Variants in CSNK1G1 observed in about 807,000 individuals in gnomAD.
The protein encoded by CSNK1G1 is casein kinase 1 gamma 1.
CSNK1G1 carries 22 observed loss-of-function variants against 59.6 expected under a neutral mutation model. The observed-to-expected ratio is 0.37, with a 90% confidence interval of 0.26 to 0.53. The LOEUF is 0.53. Ranked by LOEUF, CSNK1G1 falls within the 20% of genes least tolerant of loss-of-function variation. The pLI is 0.89. For missense variants in CSNK1G1, 384 were observed against 519.5 expected (o/e 0.74, Z 2.54); for synonymous variants, 179 against 177.1 (o/e 1.01, Z -0.08).
At chr15:64,355,450 G>A (rs1326196254) in intron 1 of CSNK1G1, among the ~76,000 whole-genome samples, 2 of 152,308 alleles carry the variant, frequency 1.3e-5, no homozygotes, top group South Asian at 4.1e-4. Flanking sequence ...GAAGAAGTGG[G>A]GGAAGCGTAC....
intron 3 of CSNK1G1, among the ~76,000 whole-genome samples, chr15:64,256,004 G>C (rs1252880834): frequency 1.3e-5 from 2 of 152,156 alleles, no homozygotes; most frequent in Non-Finnish European, 2.9e-5. Flanking sequence ...ATACTGTAGA[G>C]TCCCTTTCTT....
chr15:64,279,156 C>T (rs1160852804), intron 2 of CSNK1G1, among the ~76,000 whole-genome samples: 4 of 152,192 alleles, frequency 2.6e-5, no homozygotes, highest in Non-Finnish European at 5.9e-5. Context: ...TGCAGTAAAG[C>T]ACACAAACGT....
rs1437305815 is a variant in CSNK1G1 at position 64,166,527 on chromosome 15, G to A, written c.*5404C>T. The A allele has an allele frequency of 1.3e-5, 2 of 152,958 alleles. No homozygotes were observed. The highest frequency in any genetic ancestry group is 4.8e-5 in the African/African-American group (2 of 41,438). 9.5% of individuals were successfully genotyped at this position (152,958 alleles called of 1,614,324 possible). ...TCTTTATGGAAGTGAAATGCACATA[G>A]ATGAACACACGCACTCACGTGCGCA... On this transcript the variant is annotated 3_prime_UTR_variant, in exon 12 of 12. Coordinates refer to ENST00000303052, the MANE Select transcript of CSNK1G1 (RefSeq NM_022048.5). The surrounding 1 kb of genome is among the most constrained non-coding windows in gnomAD (Gnocchi z 4.5).
At chr15:64,277,806 AT>A (rs1566930363) in intron 2 of CSNK1G1, among the ~76,000 whole-genome samples, 8 of 135,112 alleles carry the variant, frequency 5.9e-5, no homozygotes, top group East Asian at 4.2e-4. Flanking sequence ...TATATTTAAT[AT>A]ATTAATATTG....
At chr15:64,177,744 C>T (rs1333566396) in intron 11 of CSNK1G1, among the ~76,000 whole-genome samples, 1 of 152,202 alleles carries the variant, frequency 6.6e-6, no homozygotes, top group Non-Finnish European at 1.5e-5. Flanking sequence ...ATACCACACT[C>T]ACATACACAA....
intron 4 of CSNK1G1, among the ~76,000 whole-genome samples, chr15:64,248,256 G>A (rs1891863334): frequency 6.6e-6 from 1 of 152,088 alleles, no homozygotes; most frequent in Non-Finnish European, 1.5e-5. Context: ...AACAAGCTCT[G>A]GTGTTCATGC....
At position 64,241,916 on chromosome 15, in the gene CSNK1G1, G is replaced by GT. The variant is rs199603590; in HGVS notation, c.292+9595dup. On this transcript the variant is annotated intron_variant, in intron 4 of 11. Coordinates refer to ENST00000303052, the MANE Select transcript of CSNK1G1 (RefSeq NM_022048.5). ...CAAAAGATCAATGAAACAAAAAGTTGTTTTTTTAAAAAAAAAGATAGACAA... is the reference window on the plus strand; with the variant it reads ...CAAAAGATCAATGAAACAAAAAGTTGTTTTTTTTAAAAAAAAAGATAGACAA... Among the ~76,000 whole-genome samples the GT allele has an allele frequency of 5.5e-4, 83 of 151,054 alleles. 1 individual carries two copies. The highest frequency in any genetic ancestry group is 1.9e-3 in the African/African-American group (80 of 41,150).
intron 2 of CSNK1G1, among the ~76,000 whole-genome samples, chr15:64,280,057 G>A (rs1894039024): frequency 6.6e-6 from 1 of 151,770 alleles, no homozygotes; most frequent in African/African-American, 2.4e-5. Context: ...TACACTGGAT[G>A]AGGACATGAC....
intron 2 of CSNK1G1, among the ~76,000 whole-genome samples, chr15:64,265,433 TG>T: frequency 6.6e-6 from 1 of 152,158 alleles, no homozygotes; most frequent in Non-Finnish European, 1.5e-5. Flanking sequence ...CAAGATCTGA[TG>T]GTTTTATAAA....
chr15:64,206,605 A>C (rs1392705485), intron 7 of CSNK1G1, among the ~76,000 whole-genome samples: 2 of 150,450 alleles, frequency 1.3e-5, no homozygotes, highest in African/African-American at 4.9e-5. Flanking sequence ...AAAAAAAAAA[A>C]AAAAAAAAAA....
At chr15:64,191,054 G>GT (rs1421787227) in intron 10 of CSNK1G1, among the ~76,000 whole-genome samples, 5 of 151,900 alleles carry the variant, frequency 3.3e-5, no homozygotes, top group Non-Finnish European at 7.4e-5. Context: ...TTTTGCATTT[G>GT]TTTTTTTGTT....
intron 6 of CSNK1G1, among the ~76,000 whole-genome samples, chr15:64,208,815 T>C (rs558390604): frequency 3.6e-4 from 55 of 152,272 alleles, no homozygotes; most frequent in African/African-American, 1.3e-3. Context: ...GGATTACCCA[T>C]GTGAGCCATT....
intron 2 of CSNK1G1, among the ~76,000 whole-genome samples, chr15:64,291,200 A>ATGG (rs1332989132): frequency 6.6e-6 from 1 of 152,260 alleles, no homozygotes; most frequent in Non-Finnish European, 1.5e-5. Flanking sequence ...TGTTTAAAAT[A>ATGG]CCATGATTTT....
intron 4 of CSNK1G1, among the ~76,000 whole-genome samples, chr15:64,231,630 C>A (rs968944946): frequency 1.3e-5 from 2 of 151,718 alleles, no homozygotes; most frequent in African/African-American, 4.8e-5. Flanking sequence ...ACTTGGAAAG[C>A]TTTCCTTACT....
intron 2 of CSNK1G1, among the ~76,000 whole-genome samples, chr15:64,299,704 A>G (rs1895220674): frequency 6.6e-6 from 1 of 152,102 alleles, no homozygotes; most frequent in African/African-American, 2.4e-5. Context: ...CCATAAATTC[A>G]TAATTGAAAT....
intron 6 of CSNK1G1, 103 bp downstream of exon 6, chr15:64,213,787 C>G: frequency 1.2e-6 from 1 of 813,026 alleles, no homozygotes; most frequent in Non-Finnish European, 2.0e-6. Context: ...CCTTGTGAAA[C>G]AATAAAAACC....
chr15:64,319,388 G>C (rs142287919), intron 1 of CSNK1G1, among the ~76,000 whole-genome samples: 97 of 151,494 alleles, frequency 6.4e-4, no homozygotes, highest in African/African-American at 2.3e-3. Flanking sequence ...AGGATATCAG[G>C]CATCCTGAGA....
intron 10 of CSNK1G1, among the ~76,000 whole-genome samples, chr15:64,196,124 G>T (rs1596076597): frequency 6.6e-6 from 1 of 152,198 alleles, no homozygotes; most frequent in East Asian, 1.9e-4. Context: ...GGCTGGGGTG[G>T]GAGGATTGCT....
chr15:64,177,703 A>G (rs1339823435), intron 11 of CSNK1G1, among the ~76,000 whole-genome samples: 1 of 152,232 alleles, frequency 6.6e-6, no homozygotes, highest in Admixed American at 6.5e-5. Flanking sequence ...TCTCTGTGTG[A>G]ATGAGCCCAT....
Sources: gnomAD v4.1 joint callset for allele counts (sites outside exome capture counted in the v4.1 genomes callset) on GRCh38, gnomAD v4.1.1 for gene constraint, Gnocchi (gnomAD v3.1) non-coding constraint, MANE v1.5 for transcripts, NCBI Gene and HGNC (gene_info 2026-07-23, HGNC 2026-07-21) for gene names.